UNC79: variants seen among roughly 807,000 people sequenced by gnomAD.
UNC79 encodes the protein protein unc-79 homolog.
In UNC79, 37 loss-of-function variants were observed where a neutral mutation model predicts 283.1. The ratio of observed to expected loss-of-function variants is 0.13; its 90% CI spans 0.10 to 0.17. The LOEUF is 0.17. UNC79 is among the 10% of genes least tolerant of loss of function. The pLI is 1.00. For synonymous variants in UNC79, 1,107 were observed against 1,200.2 expected, an observed-to-expected ratio of 0.92 and a Z score of 1.61; for missense variants, 2,272 against 3,211.1, an observed-to-expected ratio of 0.71 and a Z score of 7.07.
At position 93,381,708 on chromosome 14, in the gene UNC79, A is replaced by C. The variant is rs2054668550; in HGVS notation, c.-351+48185A>C. Among the ~76,000 whole-genome samples, 6 of 152,240 alleles carry C rather than the reference A, an allele frequency of 3.9e-5. No individual in the cohort carries two copies. In the South Asian group the frequency reaches 1.2e-3, roughly 31 times the overall value. On this transcript the variant is annotated intron_variant, in intron 1 of 49. Coordinates refer to the UNC79 transcript ENST00000256339. ...CCTAAGAGTAGAATGCTAGGAGAAC[A>C]TTCCAGAAGAGATATATTTGCATGT...
chr14:93,628,301 C>T (rs1371243635), intron 30 of UNC79, among the ~76,000 whole-genome samples: 4 of 152,204 alleles, frequency 2.6e-5, no homozygotes, highest in Non-Finnish European at 5.9e-5. Flanking sequence ...CTTGAACACC[C>T]GCCTTTGTAT....
chr14:93,407,179 A>G (rs1018744010), intron 1 of UNC79, among the ~76,000 whole-genome samples: 12 of 152,106 alleles, frequency 7.9e-5, no homozygotes, highest in Admixed American at 7.2e-4. Context: ...ACTTGATTAC[A>G]TCTGCAAAGA....
Position 93,474,458 on chromosome 14 carries a change from CA to C in UNC79, c.448+67del. On this transcript the variant is annotated intron_variant, in intron 3 of 48. Coordinates refer to ENST00000555664, the Ensembl canonical transcript of UNC79. The surrounding 1 kb of genome is among the most constrained non-coding windows in gnomAD (Gnocchi z 4.1). ...GCTTATGAATGTATATGATGCTGAGCAAGGGGCTTGGAGATGGTCACTGTTG... is the reference window on the plus strand; with the variant it reads ...GCTTATGAATGTATATGATGCTGAGCAGGGGCTTGGAGATGGTCACTGTTG... The C allele has an allele frequency of 6.8e-7, 1 of 1,480,140 alleles. No homozygotes were observed. 91.7% of individuals were successfully genotyped at this position (1,480,140 alleles called of 1,614,324 possible).
At chr14:93,671,951 C>T (rs540545244) in intron 40 of UNC79, among the ~76,000 whole-genome samples, 2 of 152,204 alleles carry the variant, frequency 1.3e-5, no homozygotes, top group Non-Finnish European at 2.9e-5. Context: ...TATCTCTAAT[C>T]ATCAGGGAAA....
chr14:93,539,284 A>T (rs2061254148), intron 12 of UNC79, among the ~76,000 whole-genome samples: 1 of 148,812 alleles, frequency 6.7e-6, no homozygotes, highest in South Asian at 2.2e-4. Flanking sequence ...GCACTTTGAG[A>T]GACCGAGGCG....
rs531595358 is a variant in UNC79, at chr14:93,602,740, A to G, written c.3575-499A>G. ...ACTGCAACCTCCAACTCTTGGGCTC[A>G]AGCAGTCCTCCCAGCTAATCTTCCT... is the stretch of plus-strand genomic sequence containing the variant. On this transcript the variant is annotated intron_variant, in intron 25 of 48. Coordinates refer to ENST00000555664, the Ensembl canonical transcript of UNC79. Among the ~76,000 whole-genome samples the G allele has an allele frequency of 2.6e-5, 4 of 152,308 alleles. No individual in the cohort carries two copies. In the South Asian group the frequency reaches 8.3e-4, roughly 32 times the overall value.
rs570155227 is a variant in UNC79 at position 93,424,602 on chromosome 14, C to T, written c.-350-43069C>T. The stretch of plus-strand genomic sequence containing the variant: ...AAGTCATTATGCTAAGTGAAATAGC[C>T]AGGCACAGAAAGAACAACTTCACAT... On this transcript the variant is annotated intron_variant, in intron 1 of 49. Transcript: ENST00000256339. Among the ~76,000 whole-genome samples the T allele has an allele frequency of 4.5e-3, 687 of 152,154 alleles. 7 individuals carry two copies. Among genetic ancestry groups the T allele is most frequent in the African/African-American group, 0.016 (656 of 41,488 alleles).
chr14:93,438,443 A>G (rs961957381), intron 1 of UNC79, among the ~76,000 whole-genome samples: 2 of 152,150 alleles, frequency 1.3e-5, no homozygotes, highest in Admixed American at 1.3e-4. Context: ...CTTTTCTTTG[A>G]TGCCCTGTCT....
At chr14:93,649,804 A>G (rs2070046262) in intron 35 of UNC79, among the ~76,000 whole-genome samples, 1 of 152,222 alleles carries the variant, frequency 6.6e-6, no homozygotes, top group Non-Finnish European at 1.5e-5. Flanking sequence ...ACCATATTGT[A>G]CATTGACGAT....
chr14:93,584,033 C>G (rs2064027816), intron 20 of UNC79, among the ~76,000 whole-genome samples: 1 of 152,040 alleles, frequency 6.6e-6, no homozygotes. Flanking sequence ...TCTCGAACTC[C>G]TAGACTCAAG....
chr14:93,338,158 C>G (rs1413565142), intron 1 of UNC79, among the ~76,000 whole-genome samples: 2 of 152,094 alleles, frequency 1.3e-5, no homozygotes, highest in Non-Finnish European at 2.9e-5. Context: ...GAGCAAAACT[C>G]AAGCAGAGGT....
chr14:93,605,309 T>C (rs1041958855), intron 26 of UNC79, among the ~76,000 whole-genome samples: 1 of 152,190 alleles, frequency 6.6e-6, no homozygotes, highest in African/African-American at 2.4e-5. Context: ...ATATCTGCTA[T>C]AGGAAAACCA....
intron 1 of UNC79, among the ~76,000 whole-genome samples, chr14:93,364,091 C>A (rs1168969187): frequency 1.3e-5 from 2 of 152,074 alleles, no homozygotes; most frequent in East Asian, 3.9e-4. Flanking sequence ...TAAGAGACCC[C>A]TGCACACCAA....
chr14:93,642,193 G>A (rs1207210637), intron 33 of UNC79, among the ~76,000 whole-genome samples: 3 of 152,138 alleles, frequency 2.0e-5, no homozygotes, highest in Non-Finnish European at 2.9e-5. Context: ...GGGAGGCTGA[G>A]ATGGGTGGAT....
intron 47 of UNC79, among the ~76,000 whole-genome samples, chr14:93,704,204 C>T (rs1487455892): frequency 6.6e-6 from 1 of 152,222 alleles, no homozygotes; most frequent in Non-Finnish European, 1.5e-5. Flanking sequence ...TTAAGTGTTC[C>T]ATCCACTGAC....
chr14:93,597,243 C>A (rs543967011), intron 23 of UNC79, 116 bp from the exon 24 acceptor site: 647 of 1,087,590 alleles, frequency 5.9e-4, no homozygotes, highest in Non-Finnish European at 8.3e-4. Flanking sequence ...TGCGGGAGAC[C>A]CAGAGTTAAC....
intron 1 of UNC79, among the ~76,000 whole-genome samples, chr14:93,441,536 T>C (rs1475751429): frequency 6.6e-6 from 1 of 152,104 alleles, no homozygotes. Context: ...GCTCATTTTT[T>C]TCTTTTGGTT....
At chr14:93,487,634 G>A (rs780504585) in intron 4 of UNC79, 29 bp from the exon 5 acceptor site, 28 of 1,588,738 alleles carry the variant, frequency 1.8e-5, no homozygotes, top group Non-Finnish European at 2.4e-5. Context: ...AGATTAAATT[G>A]TGTCTAATCA....
chr14:93,548,723 A>G (rs1286655850), intron 14 of UNC79, among the ~76,000 whole-genome samples: 1 of 152,242 alleles, frequency 6.6e-6, no homozygotes, highest in East Asian at 1.9e-4. Flanking sequence ...ATGAGTAAAC[A>G]GCTCCTTTAG....
Sources: allele counts gnomAD v4.1 joint callset (sites outside exome capture counted in the v4.1 genomes callset), GRCh38; gene constraint gnomAD v4.1.1; non-coding constraint Gnocchi (gnomAD v3.1); transcripts MANE v1.5; gene names NCBI Gene and HGNC (gene_info 2026-07-23, HGNC 2026-07-21).